CAPS2: variants seen among roughly 807,000 people sequenced by gnomAD.
CAPS2 encodes calcyphosin-2.
Under a neutral mutation model 86.5 loss-of-function variants are expected in CAPS2, and 98 were observed. The observed-to-expected ratio is 1.13, with a 90% CI of 0.96 to 1.34. CAPS2 has a LOEUF of 1.34. CAPS2 is among the 40% of genes most tolerant of loss of function. The pLI is 0.00. For missense variants in CAPS2, 729 were observed against 686.8 expected (o/e 1.06, Z -0.69); for synonymous variants, 210 against 225.1 (o/e 0.93, Z 0.60).
At chr12:75,298,487 T>C (rs1384474338) in intron 11 of CAPS2, 200 bp downstream of exon 11, 9 of 520,072 alleles carry the variant, frequency 1.7e-5, no homozygotes, top group Non-Finnish European at 3.1e-5. Flanking sequence ...AATGATATGC[T>C]TGGATTCAGA....
chr12:75,370,713 T>G (rs757329549), intron 1 of CAPS2, among the ~76,000 whole-genome samples: 3 of 152,144 alleles, frequency 2.0e-5, no homozygotes, highest in African/African-American at 7.2e-5. Context: ...CAAATTAAAG[T>G]TGCACTCTTC....
chr12:75,305,627 C>T, intron 7 of CAPS2: 1 of 620,832 alleles, frequency 1.6e-6, no homozygotes, highest in South Asian at 1.4e-5. Flanking sequence ...GAAGGCTCAG[C>T]AGCAGGCCGC....
intron 1 of CAPS2, among the ~76,000 whole-genome samples, chr12:75,345,915 T>G (rs994855454): frequency 2.6e-5 from 4 of 152,218 alleles, no homozygotes. Context: ...TATTGGCTAG[T>G]TTACACACAA....
intron 1 of CAPS2, among the ~76,000 whole-genome samples, chr12:75,362,583 T>A (rs1254707255): frequency 6.6e-6 from 1 of 152,192 alleles, no homozygotes; most frequent in African/African-American, 2.4e-5. Flanking sequence ...TACTCTAAGT[T>A]AAAGTAACAC....
exon 17 of CAPS2, chr12:75,278,710 G>A: frequency 7.6e-7 from 1 of 1,319,066 alleles, no homozygotes; most frequent in Non-Finnish European, 9.6e-7. Context: ...CTATCTTTCT[G>A]GATAGTTCTC....
rs373038764 is a variant in CAPS2, at chr12:75,293,382, A to G, written c.1045-15T>C. The G allele has an allele frequency of 1.0e-5, 15 of 1,459,292 alleles. No homozygotes were observed. Among genetic ancestry groups the G allele is most frequent in the African/African-American group, 1.4e-5 (1 of 71,488 alleles). The allele number at this position is 1,459,292 out of a possible 1,614,324, so 90.4% of individuals were successfully genotyped here. A position where few individuals can be genotyped will look rare whatever the true frequency, so the allele number is the denominator to read the frequency against. On this transcript the variant is annotated splice_polypyrimidine_tract_variant and intron_variant, in intron 11 of 16. Transcript: ENST00000393284. ...AAGGTTGCACCCTAAACAAAAGAAC[A>G]GATGAATGAAGCTAGAAAGCATGTA... is the stretch of plus-strand genomic sequence containing the variant.
chr12:75,327,763 A>G (rs892340450), upstream of CAPS2, among the ~76,000 whole-genome samples: 2 of 150,806 alleles, frequency 1.3e-5, no homozygotes, highest in Non-Finnish European at 3.0e-5. Context: ...ATAATGTAAC[A>G]TTCAATAAAC....
intron 1 of CAPS2, among the ~76,000 whole-genome samples, chr12:75,348,908 TC>T (rs2042626296): frequency 6.6e-6 from 1 of 151,954 alleles, no homozygotes; most frequent in South Asian, 2.1e-4. Flanking sequence ...GCCCTATAAT[TC>T]CCCCAGCTTC....
intron 1 of CAPS2, among the ~76,000 whole-genome samples, chr12:75,354,079 G>T (rs963079814): frequency 7.0e-6 from 1 of 142,760 alleles, no homozygotes; most frequent in African/African-American, 2.6e-5. Flanking sequence ...TTGAAAACCA[G>T]TATAAGACAA....
At chr12:75,336,154 C>A (rs148751528) in intron 1 of CAPS2, among the ~76,000 whole-genome samples, 1,629 of 151,736 alleles carry the variant, frequency 0.011, 20 homozygotes, top group African/African-American at 0.032. Flanking sequence ...TCTGGATGGA[C>A]CGTGAGAAGT....
In CAPS2 at chr12:75,384,784, C is replaced by T. The variant is rs79628278; in HGVS notation, c.-395+6054G>A. Among the ~76,000 whole-genome samples, 776 of 152,216 alleles carry T rather than the reference C, an allele frequency of 5.1e-3. 7 individuals are homozygous for T. The highest frequency in any genetic ancestry group is 0.015 in the South Asian group (72 of 4,828). On this transcript the variant is annotated intron_variant, in intron 1 of 5. Coordinates refer to the CAPS2 transcript ENST00000551829. ...ATACTAAGCAAATTGAATTCAACAA[C>T]GTATAAAAATAATTATATTACATGA...
chr12:75,360,128 A>G (rs1355677674), intron 1 of CAPS2: 1 of 152,116 alleles, frequency 6.6e-6, no homozygotes, highest in Non-Finnish European at 1.5e-5. Context: ...CTCTCTCAAC[A>G]TGTGGAGATT....
chr12:75,351,918 G>A (rs535482830), intron 1 of CAPS2, among the ~76,000 whole-genome samples: 7 of 152,164 alleles, frequency 4.6e-5, no homozygotes, highest in Admixed American at 2.6e-4. Context: ...CATCATAAGC[G>A]AAGGAGAAAT....
chr12:75,330,387 G>A (rs2041199955), upstream of CAPS2, among the ~76,000 whole-genome samples: 2 of 152,252 alleles, frequency 1.3e-5, no homozygotes, highest in Admixed American at 6.5e-5. Context: ...CGCTTCTCCT[G>A]AGCAGGGAAA....
At chr12:75,378,755 A>AT (rs1216705769) in intron 1 of CAPS2, among the ~76,000 whole-genome samples, 1 of 152,222 alleles carries the variant, frequency 6.6e-6, no homozygotes, top group African/African-American at 2.4e-5. Context: ...CATCTAAAAA[A>AT]ATATCTTTAC....
intron 1 of CAPS2, among the ~76,000 whole-genome samples, chr12:75,383,102 T>C (rs1316267010): frequency 1.3e-5 from 2 of 152,248 alleles, no homozygotes; most frequent in Non-Finnish European, 2.9e-5. Flanking sequence ...TTCATGAAAC[T>C]ATGATTAAAT....
At chr12:75,280,520 C>G (rs1353794958) in intron 16 of CAPS2, among the ~76,000 whole-genome samples, 1 of 151,242 alleles carries the variant, frequency 6.6e-6, no homozygotes, top group Non-Finnish European at 1.5e-5. Flanking sequence ...AAAACTGAAG[C>G]TATTTTAGCA....
At chr12:75,388,438 A>G (rs2045402694) in intron 1 of CAPS2, among the ~76,000 whole-genome samples, 1 of 152,196 alleles carries the variant, frequency 6.6e-6, no homozygotes, top group African/African-American at 2.4e-5. Context: ...CATCCAGAAA[A>G]TGAAAAATTA....
At chr12:75,354,630 T>C (rs933793480) in intron 1 of CAPS2, among the ~76,000 whole-genome samples, 1 of 152,164 alleles carries the variant, frequency 6.6e-6, no homozygotes, top group African/African-American at 2.4e-5. Context: ...AAAAAACTAT[T>C]TTAAAATTCA....
Sources: gnomAD v4.1 joint callset for allele counts (sites outside exome capture counted in the v4.1 genomes callset) on GRCh38, gnomAD v4.1.1 for gene constraint, MANE v1.5 for transcripts, NCBI Gene and HGNC (gene_info 2026-07-23, HGNC 2026-07-21) for gene names.